The following LMX1B variants were observed in gnomAD, a reference collection of about 807,000 sequenced individuals.
The protein encoded by LMX1B is LIM homeobox transcription factor 1-beta.
In LMX1B, 12 loss-of-function variants were observed where a neutral mutation model predicts 51.4. That is an observed-to-expected ratio of 0.23 (90% CI 0.15 to 0.38). The LOEUF is 0.38. LMX1B is among the 10% of genes least tolerant of loss of function. The probability of loss-of-function intolerance (pLI) is 1.00; values close to 1 mark genes in which losing one functional copy is unlikely to be tolerated. For synonymous variants in LMX1B, 237 were observed against 235.4 expected (o/e 1.01, Z -0.06); for missense variants, 445 against 571.1 (o/e 0.78, Z 2.25).
intron 2 of LMX1B, among the ~76,000 whole-genome samples, chr9:126,672,824 C>T (rs114606945): frequency 0.016 from 2,426 of 152,334 alleles, 71 homozygotes; most frequent in African/African-American, 0.056. Flanking sequence ...CGGAGCCTGG[C>T]AGGAGCTTCC....
chr9:126,614,036 T>G lies in LMX1B; in HGVS notation c.-414T>G, dbSNP rs1835241900. On this transcript the variant is annotated 5_prime_UTR_variant, in exon 1 of 8. Coordinates refer to ENST00000373474, the MANE Select transcript of LMX1B (RefSeq NM_001174147.2). ...CGCTGCGCCCCGCCCGGGACCCCGC[T>G]GCGCCGCGCGCCCCCCCCGCGGCCC... Among the ~76,000 whole-genome samples the G allele has an allele frequency of 1.4e-4, 14 of 103,272 alleles. No homozygotes were observed. Among genetic ancestry groups the G allele is most frequent in the South Asian group, 3.6e-4 (1 of 2,764 alleles). The allele number at this position is 103,272 out of a possible 152,430, so 67.8% of individuals were successfully genotyped here.
chr9:126,692,710 C>G (rs1292838671), intron 3 of LMX1B, among the ~76,000 whole-genome samples: 1 of 152,256 alleles, frequency 6.6e-6, no homozygotes, highest in African/African-American at 2.4e-5. Flanking sequence ...TGCTTGCACA[C>G]TTTCGTGTAT....
intron 3 of LMX1B, 24 bp downstream of exon 3, chr9:126,691,092 G>A (rs2030114813): frequency 3.8e-6 from 6 of 1,565,618 alleles, no homozygotes; most frequent in Non-Finnish European, 5.2e-6. Context: ...TGAGCTGGGG[G>A]CAGGCCTCAG....
At chr9:126,655,745 T>C (rs80046424) in intron 2 of LMX1B, among the ~76,000 whole-genome samples, 1,643 of 152,354 alleles carry the variant, frequency 0.011, 38 homozygotes, top group African/African-American at 0.038. Context: ...ACATAAAATT[T>C]CACATAACAT....
intron 3 of LMX1B, among the ~76,000 whole-genome samples, chr9:126,692,615 C>T (rs1211779910): frequency 1.3e-5 from 2 of 152,242 alleles, no homozygotes; most frequent in Non-Finnish European, 1.5e-5. Flanking sequence ...TATGTGGCAG[C>T]AGGTGAGTGT....
intron 2 of LMX1B, among the ~76,000 whole-genome samples, chr9:126,657,589 G>A (rs941546633): frequency 2.0e-5 from 3 of 152,206 alleles, no homozygotes; most frequent in Non-Finnish European, 4.4e-5. Context: ...GAGGCTGGCT[G>A]GGCATCCTCA....
At chr9:126,669,532 TG>T (rs781028968) in intron 2 of LMX1B, among the ~76,000 whole-genome samples, 4 of 152,146 alleles carry the variant, frequency 2.6e-5, no homozygotes, top group Non-Finnish European at 5.9e-5. Context: ...CGTGTGGGCC[TG>T]GGGGGTCTTC....
intron 2 of LMX1B, among the ~76,000 whole-genome samples, chr9:126,621,202 T>C (rs931043177): frequency 1.3e-5 from 2 of 152,248 alleles, no homozygotes; most frequent in Non-Finnish European, 2.9e-5. Context: ...TTCCAATTTG[T>C]TGGACACCAC....
intron 2 of LMX1B, among the ~76,000 whole-genome samples, chr9:126,635,554 C>T (rs926843277): frequency 1.3e-5 from 2 of 152,212 alleles, no homozygotes; most frequent in Admixed American, 6.5e-5. Flanking sequence ...AGGAGGCTGG[C>T]GGTCTCAACC....
chr9:126,686,853 A>G (rs912649887), intron 2 of LMX1B, among the ~76,000 whole-genome samples: 5 of 152,200 alleles, frequency 3.3e-5, no homozygotes, highest in Admixed American at 2.0e-4. Context: ...TGAGGATTGA[A>G]TGAGGTGATG....
At chr9:126,623,713 G>C (rs372406556) in intron 2 of LMX1B, among the ~76,000 whole-genome samples, 3 of 152,010 alleles carry the variant, frequency 2.0e-5, no homozygotes, top group African/African-American at 2.4e-5. Context: ...GGTGGGGAGG[G>C]GGAGTCGCTA....
At chr9:126,631,678 A>G (rs1835640054) in intron 2 of LMX1B, among the ~76,000 whole-genome samples, 1 of 152,186 alleles carries the variant, frequency 6.6e-6, no homozygotes, top group Non-Finnish European at 1.5e-5. Context: ...CCCAGAACTG[A>G]TTCCTTGAGA....
In LMX1B at chr9:126,641,958, C is replaced by T. The variant is rs1309007305; in HGVS notation, c.326+26389C>T. The stretch of plus-strand genomic sequence containing the variant: ...TATCCCCATTTTACAGATGACGCAA[C>T]AGCCTCAGAGCAGACCCATTCCTGC... On this transcript the variant is annotated intron_variant, in intron 2 of 7. Transcript: ENST00000373474. The surrounding 1 kb of genome is among the most constrained non-coding windows in gnomAD (Gnocchi z 4.1). Among the ~76,000 whole-genome samples, 2 of 152,214 alleles carry T rather than the reference C, an allele frequency of 1.3e-5. No homozygotes were observed. The highest frequency in any genetic ancestry group is 4.8e-5 in the African/African-American group (2 of 41,454).
chr9:126,650,725 C>T (rs1282795219), intron 2 of LMX1B, among the ~76,000 whole-genome samples: 1 of 152,206 alleles, frequency 6.6e-6, no homozygotes, highest in Non-Finnish European at 1.5e-5. Flanking sequence ...CCGCTAGGAG[C>T]CTCCAAGCCG....
intron 2 of LMX1B, among the ~76,000 whole-genome samples, chr9:126,686,302 T>TAAG (rs1836768891): frequency 8.1e-4 from 114 of 140,838 alleles, no homozygotes; most frequent in African/African-American, 2.5e-3. Context: ...AAAAAGAAAT[T>TAAG]AATCAGATTA....
chr9:126,642,949 C>G (rs547763195), intron 2 of LMX1B, among the ~76,000 whole-genome samples: 2 of 152,298 alleles, frequency 1.3e-5, no homozygotes, highest in Admixed American at 6.5e-5. Context: ...GGACTGCGCT[C>G]TCTTCCCACC....
intron 2 of LMX1B, among the ~76,000 whole-genome samples, chr9:126,642,923 T>C (rs1835834348): frequency 6.6e-6 from 1 of 152,212 alleles, no homozygotes; most frequent in African/African-American, 2.4e-5. Context: ...CCTCACCCTG[T>C]GTCTGGGTGT....
At chr9:126,666,798 T>G (rs549179529) in intron 2 of LMX1B, among the ~76,000 whole-genome samples, 5 of 152,132 alleles carry the variant, frequency 3.3e-5, no homozygotes, top group South Asian at 4.2e-4. Flanking sequence ...CAAGGAGGCC[T>G]GGGCAGGGCA....
Position 126,696,890 on chromosome 9 carries a change from G to T in LMX1B, c.*439G>T. ...GCGTGTGTACCTGTGCCCCAGCAAG[G>T]GCAGGGGTGGCCTCTGGGGGCAGGC... On this transcript the variant is annotated 3_prime_UTR_variant, in exon 8 of 8. Transcript: ENST00000373474. 4.7e-6 allele frequency: 1 copy of T among 212,820 alleles called. No homozygotes were observed. Among genetic ancestry groups the T allele is most frequent in the South Asian group, 8.0e-5 (1 of 12,424 alleles). The allele number at this position is 212,820 out of a possible 1,614,324, so 13.2% of individuals were successfully genotyped here. A position where few individuals can be genotyped will look rare whatever the true frequency, so the allele number is the denominator to read the frequency against.
Sources: gnomAD v4.1 joint callset for allele counts (sites outside exome capture counted in the v4.1 genomes callset) on GRCh38, gnomAD v4.1.1 for gene constraint, Gnocchi (gnomAD v3.1) non-coding constraint, MANE v1.5 for transcripts, NCBI Gene and HGNC (gene_info 2026-07-23, HGNC 2026-07-21) for gene names.